Variants in SORCS3 observed in about 807,000 individuals in gnomAD.
SORCS3 encodes the protein sortilin related VPS10 domain containing receptor 3.
A neutral mutation model predicts 146.3 loss-of-function variants in SORCS3; 57 were observed. The observed-to-expected ratio is 0.39, with a 90% CI of 0.31 to 0.49. The LOEUF is 0.49. SORCS3 is among the 20% of genes least tolerant of loss of function. The pLI is 0.92. For missense variants in SORCS3, 1,341 were observed against 1,575.5 expected (o/e 0.85, Z 2.52); for synonymous variants, 653 against 618.5 (o/e 1.06, Z -0.83).
rs2056976483 is a variant in SORCS3, at chr10:105,263,943, G to T, written c.*569G>T. ...ATGTAAATAGCTTTTTATTTCCTAA[G>T]AAATAATTTAATGTTTAGTAAAAAA... On this transcript the variant is annotated 3_prime_UTR_variant, in exon 27 of 27. Coordinates refer to ENST00000369701, the MANE Select transcript of SORCS3 (RefSeq NM_014978.3). 1 of 152,710 alleles carries T rather than the reference G, an allele frequency of 6.5e-6. No homozygotes were observed. The highest frequency in any genetic ancestry group is 2.4e-5 in the African/African-American group (1 of 41,434). The allele number at this position is 152,710 out of a possible 1,614,324, so 9.5% of individuals were successfully genotyped here. A position where few individuals can be genotyped will look rare whatever the true frequency, so the allele number is the denominator to read the frequency against.
At chr10:104,756,874 G>GTGAT (rs889844782) in intron 1 of SORCS3, among the ~76,000 whole-genome samples, 12 of 152,234 alleles carry the variant, frequency 7.9e-5, no homozygotes, top group African/African-American at 2.9e-4. Flanking sequence ...ACTTGGGTTA[G>GTGAT]TGATTTCTGG....
chr10:105,093,235 T>C (rs1373989424), intron 6 of SORCS3, among the ~76,000 whole-genome samples: 4 of 152,168 alleles, frequency 2.6e-5, no homozygotes, highest in African/African-American at 9.6e-5. Flanking sequence ...GATTCACAAC[T>C]TATACAATGA....
At chr10:105,078,817 T>A (rs2055605536) in intron 5 of SORCS3, among the ~76,000 whole-genome samples, 1 of 152,208 alleles carries the variant, frequency 6.6e-6, no homozygotes, top group African/African-American at 2.4e-5. Context: ...ATAGAAAAGT[T>A]AAGCAAATTG....
intron 1 of SORCS3, among the ~76,000 whole-genome samples, chr10:104,799,080 C>T (rs550797612): frequency 1.6e-4 from 25 of 151,796 alleles, no homozygotes; most frequent in African/African-American, 2.9e-4. Context: ...GAAATAGGAA[C>T]GCTTTTACAC....
In SORCS3 at chr10:104,837,474, A is replaced by C. The variant is rs1564694958; in HGVS notation, c.628-5318A>C. On this transcript the variant is annotated intron_variant, in intron 1 of 26. Transcript: ENST00000369701. ...AAGAGAGAAGTGCTATTACTCATGA[A>C]TTATTCCAATTTATTTTCATTTCTC... Among the ~76,000 whole-genome samples, 3 of 152,134 alleles carry C rather than the reference A, an allele frequency of 2.0e-5. No homozygotes were observed. In the East Asian group the frequency reaches 5.8e-4, roughly 29 times the overall value.
chr10:105,067,169 C>A (rs2133722969), intron 5 of SORCS3, among the ~76,000 whole-genome samples: 1 of 152,308 alleles, frequency 6.6e-6, no homozygotes, highest in South Asian at 2.1e-4. Flanking sequence ...TTCCACTGTG[C>A]ATCTATATTT....
chr10:104,965,198 A>T (rs745891922), intron 3 of SORCS3, among the ~76,000 whole-genome samples: 11 of 152,186 alleles, frequency 7.2e-5, no homozygotes, highest in Non-Finnish European at 1.3e-4. Context: ...TCTCTTTGAG[A>T]CCTTGCTTTC....
chr10:105,223,395 A>G, intron 20 of SORCS3, 146 bp downstream of exon 20: 3 of 710,640 alleles, frequency 4.2e-6, no homozygotes, highest in Non-Finnish European at 4.3e-6. Flanking sequence ...TGAATAAAAC[A>G]TACCTCTTTA....
intron 1 of SORCS3, among the ~76,000 whole-genome samples, chr10:104,701,462 A>G (rs1348628793): frequency 3.3e-5 from 5 of 152,204 alleles, no homozygotes; most frequent in Admixed American, 3.3e-4. Flanking sequence ...TCCTTTCAAA[A>G]GGGTAGCACC....
Position 105,043,112 on chromosome 10 carries a change from C to A in SORCS3, c.1012C>A (p.Pro338Thr). 1 of 1,613,684 alleles carries A rather than the reference C, an allele frequency of 6.2e-7. No homozygotes were observed. The highest frequency in any genetic ancestry group is 1.1e-5 in the South Asian group (1 of 91,076). Reference sequence around the variant, plus strand: ...GCAACTCATGCATGAACGCATCACACCCAACAGGTTTTATTGGTAAGCCCT... The same window carrying A: ...GCAACTCATGCATGAACGCATCACAACCAACAGGTTTTATTGGTAAGCCCT... ...RWQLMHERIT[P>T]NRFYWSVAGL... Residue 338 changes from proline to threonine, a missense_variant, in exon 5 of 27, where the codon CCC (proline) becomes ACC (threonine). Coordinates refer to ENST00000369701, the MANE Select transcript of SORCS3 (RefSeq NM_014978.3).
chr10:105,139,108 C>A (rs975442858), intron 7 of SORCS3, among the ~76,000 whole-genome samples: 7 of 152,190 alleles, frequency 4.6e-5, no homozygotes, highest in East Asian at 1.9e-4. Context: ...AAAATACTTA[C>A]TAGGTATGTG....
At chr10:105,201,058 A>G in intron 15 of SORCS3, 62 bp from the exon 16 acceptor site, 3 of 1,577,468 alleles carry the variant, frequency 1.9e-6, no homozygotes, top group Non-Finnish European at 1.7e-6. Flanking sequence ...CTTGTTGACA[A>G]CTGGTTTATT....
intron 1 of SORCS3, among the ~76,000 whole-genome samples, chr10:104,723,523 C>G (rs897712921): frequency 1.6e-4 from 24 of 152,264 alleles, no homozygotes; most frequent in African/African-American, 5.8e-4. Flanking sequence ...AGTTCAATTC[C>G]TGGATATCCT....
chr10:105,062,170 A>G (rs1284079484), intron 5 of SORCS3, among the ~76,000 whole-genome samples: 1 of 152,206 alleles, frequency 6.6e-6, no homozygotes, highest in Non-Finnish European at 1.5e-5. Context: ...TTGTTTACTG[A>G]GGGCTTATGT....
chr10:104,692,798 C>G (rs1175928695), intron 1 of SORCS3, among the ~76,000 whole-genome samples: 1 of 152,200 alleles, frequency 6.6e-6, no homozygotes, highest in Non-Finnish European at 1.5e-5. Context: ...AAGCATGTCT[C>G]TCTTCTCTAA....
intron 1 of SORCS3, among the ~76,000 whole-genome samples, chr10:104,689,836 C>T (rs2016092267): frequency 6.6e-6 from 1 of 152,180 alleles, no homozygotes; most frequent in African/African-American, 2.4e-5. Context: ...AAAGGAATTC[C>T]AGCTCGGGAT....
At chr10:104,819,482 A>C (rs1466101541) in intron 1 of SORCS3, among the ~76,000 whole-genome samples, 1 of 152,100 alleles carries the variant, frequency 6.6e-6, no homozygotes, top group Non-Finnish European at 1.5e-5. Context: ...CTCCTCTCAT[A>C]TGCCCACAAT....
chr10:105,104,599 G>T (rs1480635856), intron 6 of SORCS3, among the ~76,000 whole-genome samples: 2 of 152,156 alleles, frequency 1.3e-5, no homozygotes, highest in African/African-American at 4.8e-5. Flanking sequence ...ATGCATTCTT[G>T]TTGTAAAAAT....
intron 2 of SORCS3, among the ~76,000 whole-genome samples, chr10:104,886,907 C>T (rs1418990021): frequency 6.6e-6 from 1 of 152,144 alleles, no homozygotes; most frequent in Non-Finnish European, 1.5e-5. Flanking sequence ...ATTCACTTTC[C>T]TGCCTGTGAG....
Sources: allele counts gnomAD v4.1 joint callset (sites outside exome capture counted in the v4.1 genomes callset), GRCh38; gene constraint gnomAD v4.1.1; transcripts MANE v1.5; gene names NCBI Gene and HGNC (gene_info 2026-07-23, HGNC 2026-07-21).